EEA1: variants seen among roughly 807,000 people sequenced by gnomAD.
EEA1 encodes early endosome antigen 1, 162kD.
In EEA1, 111 loss-of-function variants were observed where a neutral mutation model predicts 209.2. The ratio of observed to expected loss-of-function variants is 0.53; its 90% CI spans 0.45 to 0.62. The LOEUF is 0.62. EEA1 is among the 20% of genes least tolerant of loss of function. EEA1 has a pLI of 0.00. For missense variants in EEA1, 1,343 were observed against 1,530.8 expected, an observed-to-expected ratio of 0.88 and a Z score of 2.05; for synonymous variants, 536 against 540.6, an observed-to-expected ratio of 0.99 and a Z score of 0.12.
Position 92,802,445 on chromosome 12 carries a change from C to A in EEA1, c.2629G>T (p.Glu877Ter). ...GCTTTTCCTTTCTGATTCTCCTTTT[C>A]AAATTCACTTTTAGAGTTTTTCAAA... The part of the protein sequence containing the change: ...DSLKNSKSEF[E>*]KENQKGKAAI... Residue 877 changes from glutamate to a stop codon, truncating the protein, a stop_gained, in exon 19 of 29, where the codon GAA becomes TAA. Transcript: ENST00000322349. LOFTEE classifies it high-confidence loss of function. 1 of 1,579,092 alleles carries A rather than the reference C, an allele frequency of 6.3e-7. No individual in the cohort carries two copies. The highest frequency in any genetic ancestry group is 2.3e-5 in the East Asian group (1 of 44,188).
intron 1 of EEA1, among the ~76,000 whole-genome samples, chr12:92,908,563 A>G (rs1050160916): frequency 1.3e-5 from 2 of 152,176 alleles, no homozygotes; most frequent in Non-Finnish European, 2.9e-5. Context: ...TTAAGAATGC[A>G]GAGTTTCTAC....
intron 1 of EEA1, among the ~76,000 whole-genome samples, chr12:92,926,406 A>C (rs759671749): frequency 6.6e-6 from 1 of 152,190 alleles, no homozygotes; most frequent in Non-Finnish European, 1.5e-5. Flanking sequence ...ATTAGCAGGG[A>C]GGGGTAAAAT....
rs1249466405 is a variant in EEA1, at chr12:92,864,958, A to C, written c.147T>G (p.Ser49=). The change falls in exon 3 of 29, where the codon TCT becomes TCG. Residue 49 remains serine, a synonymous_variant. Transcript: ENST00000322349. ...EGFICPQCMK[S]LGSADELFKH... is the part of the protein sequence containing the mutation. ...TGAAAAGTTCATCAGCAGATCCAAGAGATTTCATACACTGGGGACATATGA... is the reference window on the plus strand; with the variant it reads ...TGAAAAGTTCATCAGCAGATCCAAGCGATTTCATACACTGGGGACATATGA... 6.2e-7 allele frequency: 1 copy of C among 1,610,682 alleles called. No individual in the cohort carries two copies. The highest frequency in any genetic ancestry group is 2.2e-5 in the East Asian group (1 of 44,662).
intron 2 of EEA1, among the ~76,000 whole-genome samples, chr12:92,876,431 A>T (rs971563400): frequency 2.0e-5 from 3 of 152,090 alleles, no homozygotes; most frequent in Admixed American, 2.0e-4. Context: ...CACCAGGATA[A>T]ATACTTTTTA....
intron 13 of EEA1, among the ~76,000 whole-genome samples, chr12:92,821,298 A>G (rs1876041152): frequency 6.6e-6 from 1 of 152,190 alleles, no homozygotes; most frequent in Non-Finnish European, 1.5e-5. Context: ...ACTGCCTTCC[A>G]ATTTAATGAC....
At chr12:92,844,890 T>G (rs555833468) in intron 9 of EEA1, among the ~76,000 whole-genome samples, 1 of 152,192 alleles carries the variant, frequency 6.6e-6, no homozygotes, top group Admixed American at 6.5e-5. Flanking sequence ...TCATAAAATT[T>G]ATTAAGCCAA....
intron 2 of EEA1, among the ~76,000 whole-genome samples, chr12:92,870,291 C>T (rs1878584202): frequency 6.6e-6 from 1 of 152,080 alleles, no homozygotes; most frequent in Admixed American, 6.6e-5. Flanking sequence ...CAAAAGGTTG[C>T]ATTATTTTAT....
chr12:92,832,681 C>G lies in EEA1; in HGVS notation c.1085G>C (p.Arg362Thr), dbSNP rs761316291. The change falls in exon 11 of 29, where the codon AGA (arginine) becomes ACA (threonine). Residue 362 changes from arginine (R) to threonine (T), a missense_variant. By Grantham distance (71) the Arg-to-Thr change is moderately conservative. This residue lies in a region of EEA1 where 1,307 missense variants were observed against 1,465.5 expected (regional missense o/e 0.89). Transcript: ENST00000322349. The part of the protein sequence containing the change: ...RLSASETSLH[R>T]IHVELSEKGE... ...TTTTTCACTTAGTTCTACATGTATT[C>G]TATGCAGTGAGGTTTCAGATGCAGA... 3.1e-6 allele frequency: 5 copies of G among 1,613,932 alleles called. No homozygotes were observed. The South Asian group carries it at 5.5e-5, about 18-fold the overall frequency.
At chr12:92,887,042 A>AG (rs1879443196) in intron 2 of EEA1, among the ~76,000 whole-genome samples, 2 of 151,804 alleles carry the variant, frequency 1.3e-5, no homozygotes, top group South Asian at 4.2e-4. Flanking sequence ...AAAGAAAAAA[A>AG]GAAAGAACTT....
rs200141546 is a variant in EEA1, at chr12:92,888,579, AAAAC to A, written c.117+3046_117+3049del. 5.2e-3 allele frequency among the ~76,000 whole-genome samples: 760 copies of A among 146,078 alleles called. 6 individuals carry two copies. The highest frequency in any genetic ancestry group is 0.02 in the African/African-American group (734 of 36,962). On this transcript the variant is annotated intron_variant, in intron 2 of 28. Transcript: ENST00000322349. ...GCGACAGAGCCAGACTCCATCTAAAAAAACAAACAAACAAACAAAAAAAAAAACC... is the reference window on the plus strand; with the variant it reads ...GCGACAGAGCCAGACTCCATCTAAAAAAACAAACAAACAAAAAAAAAAACC...
intron 1 of EEA1, among the ~76,000 whole-genome samples, chr12:92,907,048 T>C (rs567226235): frequency 6.6e-6 from 1 of 151,812 alleles, no homozygotes; most frequent in East Asian, 1.9e-4. Context: ...GCTAAAAACG[T>C]AACATATAGA....
intron 5 of EEA1, among the ~76,000 whole-genome samples, chr12:92,856,639 T>C (rs536401016): frequency 6.6e-6 from 1 of 152,112 alleles, no homozygotes; most frequent in South Asian, 2.1e-4. Flanking sequence ...TATCAATTTG[T>C]CAGAAACTTA....
intron 12 of EEA1, among the ~76,000 whole-genome samples, chr12:92,827,469 C>T (rs887383209): frequency 2.0e-5 from 3 of 152,176 alleles, no homozygotes; most frequent in African/African-American, 7.2e-5. Flanking sequence ...TCATTTATGG[C>T]AACTGCAAGT....
chr12:92,830,416 A>G (rs1876573730), intron 11 of EEA1, among the ~76,000 whole-genome samples: 1 of 152,098 alleles, frequency 6.6e-6, no homozygotes, highest in Non-Finnish European at 1.5e-5. Context: ...AAGTGAGAAC[A>G]TGTGGTATTT....
At chr12:92,928,884 T>TCCCCGCCCC (rs1450344799) in intron 1 of EEA1, among the ~76,000 whole-genome samples, 159 bp downstream of exon 1, 3 of 145,650 alleles carry the variant, frequency 2.1e-5, no homozygotes, top group South Asian at 2.3e-4. Context: ...CCACCCGCCC[T>TCCCCGCCCC]CCCCGCCCCC....
chr12:92,891,518 A>T, intron 2 of EEA1, 111 bp downstream of exon 2: 2 of 809,676 alleles, frequency 2.5e-6, no homozygotes, highest in Non-Finnish European at 3.8e-6. Context: ...TCCAACTTTT[A>T]CAAGAAAAAC....
intron 9 of EEA1, 141 bp from the exon 10 acceptor site, chr12:92,842,722 A>T: frequency 1.8e-6 from 1 of 567,780 alleles, no homozygotes; most frequent in East Asian, 3.3e-5. Context: ...TACCACCTAT[A>T]CTGCCACATT....
At position 92,770,876 on chromosome 12, in the gene EEA1, CT is replaced by C. The variant is rs1226609164; in HGVS notation, c.*5134del. 1 of 151,950 alleles carries C rather than the reference CT, an allele frequency of 6.6e-6. No homozygotes were observed. The highest frequency in any genetic ancestry group is 2.4e-5 in the African/African-American group (1 of 41,408). The allele number at this position is 151,950 out of a possible 1,614,324, so 9.4% of individuals were successfully genotyped here. A position where few individuals can be genotyped will look rare whatever the true frequency, so the allele number is the denominator to read the frequency against. The stretch of plus-strand genomic sequence containing the variant: ...TTCACCAGTTAACACTTTTGCATGG[CT>C]TTTCTTGGCCTGTTGTGAAGTGTAC... On this transcript the variant is annotated 3_prime_UTR_variant, in exon 29 of 29. Coordinates refer to ENST00000322349, the MANE Select transcript of EEA1 (RefSeq NM_003566.4).
intron 20 of EEA1, among the ~76,000 whole-genome samples, chr12:92,800,014 G>A (rs983731627): frequency 6.6e-6 from 1 of 152,046 alleles, no homozygotes; most frequent in Non-Finnish European, 1.5e-5. Flanking sequence ...CTTGAGGTCA[G>A]GAGCTCGAGA....
Sources: gnomAD v4.1 joint callset for allele counts (sites outside exome capture counted in the v4.1 genomes callset) on GRCh38, gnomAD v4.1.1 for gene constraint, gnomAD v4.1.1 regional missense constraint, MANE v1.5 for transcripts, NCBI Gene and HGNC (gene_info 2026-07-23, HGNC 2026-07-21) for gene names.